Variants in ARHGEF40 observed in about 807,000 individuals in gnomAD.
ARHGEF40 encodes Rho guanine nucleotide exchange factor 40, also known as Rho guanine nucleotide exchange factor (GEF) 40.
A neutral mutation model predicts 165.9 loss-of-function variants in ARHGEF40; 98 were observed. That is an observed-to-expected ratio of 0.59 (90% CI 0.50 to 0.70). ARHGEF40 has a LOEUF of 0.70. Ranked by LOEUF, ARHGEF40 falls within the 30% of genes least tolerant of loss-of-function variation. The probability of loss-of-function intolerance (pLI) is 0.00; values close to 1 mark genes in which losing one functional copy is unlikely to be tolerated. For missense variants in ARHGEF40, 1,815 were observed against 1,968.0 expected (o/e 0.92, Z 1.47); for synonymous variants, 792 against 814.3 (o/e 0.97, Z 0.47).
In ARHGEF40 at chr14:21,073,079, C is replaced by T. The variant is rs1316840398; in HGVS notation, c.38C>T (p.Thr13Ile). The change falls in exon 2 of 24, where the codon ACT (threonine) becomes ATT (isoleucine). Residue 13 changes from threonine to isoleucine, a missense_variant. Transcript: ENST00000298694. This position sits in a 1 kb window ranked among gnomAD's most constrained non-coding sequence, Gnocchi z 4.6. Reference sequence around the variant, plus strand: ...CCAGTGGAGGACTGTGTGCAGAGCACTCTCGCCGCCCTGTATCCACCCTTT... The same window carrying T: ...CCAGTGGAGGACTGTGTGCAGAGCATTCTCGCCGCCCTGTATCCACCCTTT... ...PEPVEDCVQS[T>I]LAALYPPFEA... 7 of 1,614,020 alleles carry T rather than the reference C, an allele frequency of 4.3e-6. No individual in the cohort carries two copies. The African/African-American group carries it at 5.3e-5, about 12-fold the overall frequency.
rs1446639661 is a variant in ARHGEF40, at chr14:21,078,498, A to G, written c.2246+10A>G. On this transcript the variant is annotated intron_variant, in intron 10 of 23. Coordinates refer to ENST00000298694, the MANE Select transcript of ARHGEF40 (RefSeq NM_018071.5). ...CCACTCCCAGCAGCAAGTACGAAGT[A>G]TGGGTGTGCGGAGGCAGGTGGAAGT... 6.4e-7 allele frequency: 1 copy of G among 1,558,500 alleles called. No homozygotes were observed. Among genetic ancestry groups the G allele is most frequent in the African/African-American group, 1.4e-5 (1 of 73,562 alleles).
chr14:21,076,339 T>C (rs1887411930), intron 5 of ARHGEF40, 21 bp from the exon 6 acceptor site: 3 of 1,608,528 alleles, frequency 1.9e-6, no homozygotes, highest in Non-Finnish European at 2.5e-6. Context: ...GCAGCCTCCT[T>C]GGCTCTTCCT....
In ARHGEF40 at chr14:21,081,771, G is replaced by A. The variant is rs372221247; in HGVS notation, c.2903G>A (p.Arg968Gln). 146 of 1,590,582 alleles carry A rather than the reference G, an allele frequency of 9.2e-5. 1 individual carries two copies. The highest frequency in any genetic ancestry group is 3.4e-4 in the Middle Eastern group (2 of 5,944). ...EEASPRGYRR[R>Q]RADGASSGGA... is the part of the protein sequence containing the mutation. ...GCGAGCCCACGGGGCTACCGACGAC[G>A]GCGGGCAGACGGTGCCAGCAGTGGA... Residue 968 changes from arginine to glutamine, a missense_variant, in exon 14 of 24, where the codon CGG becomes CAG. Arg to Gln is a conservative substitution (Grantham distance 43, BLOSUM62 1). Coordinates refer to ENST00000298694, the MANE Select transcript of ARHGEF40 (RefSeq NM_018071.5).
rs1886599029 is a variant in ARHGEF40 at position 21,070,307 on chromosome 14, C to T, written c.-90C>T. 7.4e-7 allele frequency: 1 copy of T among 1,358,534 alleles called. No individual in the cohort carries two copies. The highest frequency in any genetic ancestry group is 1.5e-5 in the African/African-American group (1 of 64,972). 84.2% of individuals were successfully genotyped at this position (1,358,534 alleles called of 1,614,324 possible). A position where few individuals can be genotyped will look rare whatever the true frequency, so the allele number is the denominator to read the frequency against. On this transcript the variant is annotated 5_prime_UTR_variant, in exon 1 of 24. Coordinates refer to ENST00000298694, the MANE Select transcript of ARHGEF40 (RefSeq NM_018071.5). This position sits in a 1 kb window ranked among gnomAD's most constrained non-coding sequence, Gnocchi z 4.7. Reference sequence around the variant, plus strand: ...CGGCCGGAGCTGTCCCTTAGCCAGACCCGGCGAGACACGAGCGGCGGGAGG... The same window carrying T: ...CGGCCGGAGCTGTCCCTTAGCCAGATCCGGCGAGACACGAGCGGCGGGAGG...
chr14:21,068,450 C>A (rs1286256239), upstream of ARHGEF40, among the ~76,000 whole-genome samples: 1 of 152,040 alleles, frequency 6.6e-6, no homozygotes, highest in East Asian at 1.9e-4. Context: ...ACCAAGTGTT[C>A]CCTAAACAAT....
In ARHGEF40 at chr14:21,072,276, A is replaced by T. The variant is rs896050451; in HGVS notation, c.4-769A>T. 2.6e-5 allele frequency among the ~76,000 whole-genome samples: 4 copies of T among 152,118 alleles called. No individual in the cohort carries two copies. Among genetic ancestry groups the T allele is most frequent in the African/African-American group, 4.8e-5 (2 of 41,424 alleles). On this transcript the variant is annotated intron_variant, in intron 1 of 23. Transcript: ENST00000298694. The surrounding 1 kb of genome is among the most constrained non-coding windows in gnomAD (Gnocchi z 4.1). ...AGAGAGGTCCCACTGGAATCAGAAA[A>T]GATCAGCTCGAATGCGCACCATCAA...
chr14:21,081,023 G>A lies in ARHGEF40; in HGVS notation c.2640+7G>A, dbSNP rs1260661777. 1 of 1,610,104 alleles carries A rather than the reference G, an allele frequency of 6.2e-7. No homozygotes were observed. Among genetic ancestry groups the A allele is most frequent in the Admixed American group, 1.7e-5 (1 of 59,306 alleles). ...ACAGCGCTTCTTCCAGCAGGTGCAT[G>A]CAGAGCCTTTTCCTTCTGTGCCCCC... On this transcript the variant is annotated splice_region_variant and intron_variant, in intron 13 of 23. Transcript: ENST00000298694.
intron 11 of ARHGEF40, 78 bp from the exon 12 acceptor site, chr14:21,080,582 T>C: frequency 2.7e-6 from 4 of 1,493,374 alleles, no homozygotes; most frequent in Non-Finnish European, 3.6e-6. Flanking sequence ...ATTGGGGTGG[T>C]GGGGCTGATG....
chr14:21,081,833 C>A lies in ARHGEF40; in HGVS notation c.2965C>A (p.Leu989Ile). Residue 989 changes from leucine to isoleucine, a missense_variant, in exon 14 of 24, where the codon CTC (leucine) becomes ATC (isoleucine). Transcript: ENST00000298694. ...GGGGCCCCGCAGCCCCTCGCCCAGC[C>A]TCAGCTCCTTGCTGCTCCCCAGCAG... ...QWGPRSPSPSLSSLLLPSSPG... is the reference protein window; with the variant it reads ...QWGPRSPSPSISSLLLPSSPG... 3 of 1,610,078 alleles carry A rather than the reference C, an allele frequency of 1.9e-6. No homozygotes were observed. The highest frequency in any genetic ancestry group is 1.7e-6 in the Non-Finnish European group (2 of 1,178,866).
rs748993295 is a variant in ARHGEF40 at position 21,080,686 on chromosome 14, G to A, written c.2400G>A (p.Gly800=). The A allele has an allele frequency of 6.2e-7, 1 of 1,611,622 alleles. No individual in the cohort carries two copies. The highest frequency in any genetic ancestry group is 2.2e-5 in the East Asian group (1 of 44,866). ...QQVLQWLSGP[G]EEQLASFAMP... ...TGTTGCAGTGGCTCTCGGGCCCAGG[G>A]GAGGAGCAGCTGGCAAGCTTTGCTA... is the stretch of plus-strand genomic sequence containing the variant. The change falls in exon 12 of 24, where the codon GGG becomes GGA. Residue 800 remains glycine (G), a synonymous_variant. Transcript: ENST00000298694.
Position 21,074,236 on chromosome 14 carries a change from C to A in ARHGEF40, c.506C>A (p.Ala169Glu). Residue 169 changes from alanine (A) to glutamate (E), a missense_variant, in exon 3 of 24, where the codon GCG becomes GAG. Physicochemically the swap from Ala to Glu is moderately radical, Grantham distance 107 (BLOSUM62 -1). Coordinates refer to ENST00000298694, the MANE Select transcript of ARHGEF40 (RefSeq NM_018071.5). The surrounding 1 kb of genome is among the most constrained non-coding windows in gnomAD (Gnocchi z 4.8). ...CGCCTCAGTACCTGCCTACTGTCTG[C>A]GCCCTCTGGGATTCAGCGGCTGCCC... ...TGRLSTCLLSAPSGIQRLPWA... is the reference protein window; with the variant it reads ...TGRLSTCLLSEPSGIQRLPWA... The A allele has an allele frequency of 6.2e-7, 1 of 1,614,128 alleles. No individual in the cohort carries two copies. The highest frequency in any genetic ancestry group is 1.6e-4 in the Middle Eastern group (1 of 6,062).
Position 21,087,192 on chromosome 14 carries a change from G to C in ARHGEF40, c.4243+87G>C, listed in dbSNP as rs1888412314. 26 of 1,585,132 alleles carry C rather than the reference G, an allele frequency of 1.6e-5. No homozygotes were observed. The South Asian group carries it at 2.7e-4, about 16-fold the overall frequency. Reference sequence around the variant, plus strand: ...AAGGGGAGGTATGGTGGAAAGTCAGGAAAGGCATCTCGTCCCCAAATCAGT... The same window carrying C: ...AAGGGGAGGTATGGTGGAAAGTCAGCAAAGGCATCTCGTCCCCAAATCAGT... On this transcript the variant is annotated intron_variant, in intron 20 of 23. Transcript: ENST00000298694.
Position 21,088,830 on chromosome 14 carries a change from A to G in ARHGEF40, c.4519A>G (p.Ser1507Gly), listed in dbSNP as rs1434732561. The G allele has an allele frequency of 6.2e-7, 1 of 1,611,906 alleles. No individual in the cohort carries two copies. The highest frequency in any genetic ancestry group is 8.5e-7 in the Non-Finnish European group (1 of 1,178,608). ...TTCACTGTAGCTTCTCTCCCCCCAG[A>G]GTCATGCTCGAGCCCTGAGTGACCC... ...SRGILGLSRQ[S>G]HARALSDPTT... The change falls in exon 23 of 24, where the codon AGT (serine) becomes GGT (glycine). Residue 1507 changes from serine to glycine, a missense_variant and splice_region_variant. Physicochemically the swap from Ser to Gly is moderately conservative, Grantham distance 56. Transcript: ENST00000298694.
In ARHGEF40 at chr14:21,072,171, G is replaced by A. The variant is rs554628563; in HGVS notation, c.4-874G>A. On this transcript the variant is annotated intron_variant, in intron 1 of 23. Coordinates refer to ENST00000298694, the MANE Select transcript of ARHGEF40 (RefSeq NM_018071.5). The surrounding 1 kb of genome is among the most constrained non-coding windows in gnomAD (Gnocchi z 4.1). ...TTTAGGTTAGGAGTTGGAGAAAGAC[G>A]TCTCATTGACTCACTTAGGGAGGGG... Among the ~76,000 whole-genome samples the A allele has an allele frequency of 3.3e-5, 5 of 152,318 alleles. No individual in the cohort carries two copies. In the East Asian group the frequency reaches 9.6e-4, roughly 29 times the overall value.
chr14:21,087,081 C>A lies in ARHGEF40; in HGVS notation c.4219C>A (p.Leu1407Met). The A allele has an allele frequency of 6.2e-7, 1 of 1,608,168 alleles. No homozygotes were observed. Residue 1407 changes from leucine to methionine, a missense_variant, in exon 20 of 24, where the codon CTG becomes ATG. Coordinates refer to ENST00000298694, the MANE Select transcript of ARHGEF40 (RefSeq NM_018071.5). ...CATCAAAGCCCTTGGGGAGCGGACG[C>A]TGAGTGCCCTGCTCACTGGAAGAGG... ...LDIKALGERTLSALLTGRAAR... is the reference protein window; with the variant it reads ...LDIKALGERTMSALLTGRAAR...
At chr14:21,082,696 C>T in intron 15 of ARHGEF40, 135 bp from the exon 16 acceptor site, 1 of 1,057,150 alleles carries the variant, frequency 9.5e-7, no homozygotes, top group Non-Finnish European at 1.4e-6. Context: ...GGGAGCCCTT[C>T]CCTCCCTGGT....
intron 8 of ARHGEF40, 36 bp from the exon 9 acceptor site, chr14:21,078,141 C>G (rs1887575046): frequency 6.3e-7 from 1 of 1,578,880 alleles, no homozygotes; most frequent in East Asian, 2.3e-5. Context: ...TTCTTAAACT[C>G]TGATCCTCAA....
intron 16 of ARHGEF40, 97 bp from the exon 17 acceptor site, chr14:21,083,738 A>C: frequency 8.7e-7 from 1 of 1,143,706 alleles, no homozygotes; most frequent in South Asian, 1.6e-5. Context: ...ATCTATACCC[A>C]AAAGCCTAGG....
the ARHGEF40 span, among the ~76,000 whole-genome samples, chr14:21,062,482 T>C: frequency 2.0e-5 from 3 of 152,092 alleles, no homozygotes; most frequent in Non-Finnish European, 4.4e-5. Flanking sequence ...AATGGGAGTA[T>C]TATATCCTAG....
Sources: gnomAD v4.1 joint callset for allele counts (sites outside exome capture counted in the v4.1 genomes callset) on GRCh38, gnomAD v4.1.1 for gene constraint, Gnocchi (gnomAD v3.1) non-coding constraint, MANE v1.5 for transcripts, NCBI Gene and HGNC (gene_info 2026-07-23, HGNC 2026-07-21) for gene names.